Variants in LRIF1 observed in about 807,000 individuals in gnomAD.
LRIF1 encodes the protein ligand-dependent nuclear receptor-interacting factor 1.
In LRIF1, 32 loss-of-function variants were observed where a neutral mutation model predicts 52.7. The observed-to-expected ratio is 0.61, with a 90% CI of 0.46 to 0.82. The LOEUF is 0.82. LRIF1 is among the 40% of genes least tolerant of loss of function. LRIF1 has a pLI of 0.00. For synonymous variants in LRIF1, 323 were observed against 317.4 expected, an observed-to-expected ratio of 1.02 and a Z score of -0.19; for missense variants, 887 against 892.0, an observed-to-expected ratio of 0.99 and a Z score of 0.07.
the LRIF1 span, among the ~76,000 whole-genome samples, chr1:110,902,031 CA>C: frequency 5.8e-3 from 881 of 152,316 alleles, 10 homozygotes; most frequent in African/African-American, 0.02. Flanking sequence ...TCACCAAATT[CA>C]TTAATTCTCC....
the LRIF1 span, among the ~76,000 whole-genome samples, chr1:110,893,819 T>C: frequency 6.6e-6 from 1 of 152,248 alleles, no homozygotes; most frequent in Non-Finnish European, 1.5e-5. Context: ...TTCTGTTGTG[T>C]GTTATTAGCA....
At chr1:110,877,795 G>C in the LRIF1 span, among the ~76,000 whole-genome samples, 1 of 152,200 alleles carries the variant, frequency 6.6e-6, no homozygotes, top group African/African-American at 2.4e-5. Flanking sequence ...CATGAGAGTT[G>C]ATGCTTTGGC....
At chr1:110,961,129 T>C (rs761786925) in intron 1 of LRIF1, among the ~76,000 whole-genome samples, 2 of 152,254 alleles carry the variant, frequency 1.3e-5, no homozygotes, top group Non-Finnish European at 2.9e-5. Context: ...CTGATACTTA[T>C]GTTTCCCAAC....
chr1:110,910,658 G>A, the LRIF1 span, among the ~76,000 whole-genome samples: 1 of 152,060 alleles, frequency 6.6e-6, no homozygotes, highest in South Asian at 2.1e-4. Context: ...TGCTCTCTAA[G>A]ACCACAGTGC....
the LRIF1 span, among the ~76,000 whole-genome samples, chr1:110,924,822 C>T: frequency 4.1e-4 from 62 of 152,232 alleles, no homozygotes; most frequent in African/African-American, 1.4e-3. Context: ...AAAATATTAG[C>T]AGCATTTATC....
At chr1:110,897,819 C>A in the LRIF1 span, 1 of 1,605,374 alleles carries the variant, frequency 6.2e-7, no homozygotes, top group Non-Finnish European at 8.5e-7. Flanking sequence ...GGTTGCTATG[C>A]GAAAGCAAGA....
the LRIF1 span, among the ~76,000 whole-genome samples, chr1:110,924,358 G>A: frequency 1.3e-5 from 2 of 152,222 alleles, no homozygotes; most frequent in Non-Finnish European, 2.9e-5. Flanking sequence ...CCAGGCTTAT[G>A]TATTAGTCCG....
At chr1:110,929,808 G>T in the LRIF1 span, among the ~76,000 whole-genome samples, 1 of 152,130 alleles carries the variant, frequency 6.6e-6, no homozygotes, top group East Asian at 1.9e-4. Flanking sequence ...GGAGCTAAAT[G>T]ATGAGATCAC....
chr1:110,898,082 T>C, the LRIF1 span, among the ~76,000 whole-genome samples: 1 of 152,180 alleles, frequency 6.6e-6, no homozygotes, highest in African/African-American at 2.4e-5. Context: ...AAATGTGCTA[T>C]AAGAACATCT....
At chr1:110,943,128 CA>C (rs772218019), downstream of LRIF1, among the ~76,000 whole-genome samples, 20 of 152,084 alleles carry the variant, frequency 1.3e-4, no homozygotes, top group South Asian at 2.1e-4. Flanking sequence ...ACAAAATGAT[CA>C]AAAGTGTCAA....
the LRIF1 span, chr1:110,899,176 G>A: frequency 1.2e-5 from 19 of 1,613,322 alleles, no homozygotes; most frequent in Admixed American, 1.7e-5. Flanking sequence ...GACAAAACCA[G>A]CCAGACCATA....
the LRIF1 span, among the ~76,000 whole-genome samples, chr1:110,925,638 C>CA: frequency 4.3e-4 from 65 of 151,574 alleles, no homozygotes; most frequent in African/African-American, 1.5e-3. Context: ...GAGAATAAGA[C>CA]AAAAAAAGAG....
Position 110,963,751 on chromosome 1 carries a change from A to C in LRIF1, c.-63T>G. On this transcript the variant is annotated 5_prime_UTR_variant, in exon 1 of 4. It adds an upstream start codon to the 5' untranslated region. Coordinates refer to ENST00000369763, the MANE Select transcript of LRIF1 (RefSeq NM_018372.4). ...TGGGAAGCGTGGGGCCGAGTTTCCC[A>C]ATGGGGCGAGAACCAGAGCGAGGGA... The C allele has an allele frequency of 2.2e-6, 3 of 1,341,378 alleles. No individual in the cohort carries two copies. Among genetic ancestry groups the C allele is most frequent in the Non-Finnish European group, 3.1e-6 (3 of 952,618 alleles). 83.1% of individuals were successfully genotyped at this position (1,341,378 alleles called of 1,614,324 possible).
chr1:110,943,602 A>C (rs1383960803), downstream of LRIF1: 1 of 152,138 alleles, frequency 6.6e-6, no homozygotes, highest in Non-Finnish European at 1.5e-5. Context: ...AATTAACTAA[A>C]ATCATTTTTT....
the LRIF1 span, among the ~76,000 whole-genome samples, chr1:110,896,075 TTTAATCTATAA>T: frequency 2.6e-5 from 4 of 152,242 alleles, no homozygotes; most frequent in African/African-American, 9.6e-5. Flanking sequence ...CTATTTATCT[TTTAATCTATAA>T]TAGTACACCT....
At chr1:110,956,182 G>A (rs942339453) in intron 1 of LRIF1, among the ~76,000 whole-genome samples, 3 of 152,202 alleles carry the variant, frequency 2.0e-5, no homozygotes, top group African/African-American at 4.8e-5. Flanking sequence ...GGAGTAAACT[G>A]ACCACAGAAG....
the LRIF1 span, among the ~76,000 whole-genome samples, chr1:110,878,283 C>T: frequency 6.6e-5 from 10 of 152,178 alleles, no homozygotes; most frequent in African/African-American, 1.2e-4. Context: ...GGCAGATTTT[C>T]GCTCCTATTT....
chr1:110,931,270 T>C, the LRIF1 span, among the ~76,000 whole-genome samples: 2 of 152,294 alleles, frequency 1.3e-5, no homozygotes, highest in African/African-American at 4.8e-5. Context: ...TTGCTTAGAA[T>C]GATGGTTTCC....
the LRIF1 span, among the ~76,000 whole-genome samples, chr1:110,921,674 T>G: frequency 6.6e-6 from 1 of 152,114 alleles, no homozygotes; most frequent in African/African-American, 2.4e-5. Context: ...GACAGAACCA[T>G]AGAGAGAAAT....
Sources: allele counts gnomAD v4.1 joint callset (sites outside exome capture counted in the v4.1 genomes callset), GRCh38; gene constraint gnomAD v4.1.1; transcripts MANE v1.5; gene names NCBI Gene and HGNC (gene_info 2026-07-23, HGNC 2026-07-21).